The following GALNT13 variants were observed in gnomAD, a reference collection of about 807,000 sequenced individuals.
The protein encoded by GALNT13 is UDP-GalNAc:polypeptide N-acetylgalactosaminyltransferase 13.
A neutral mutation model predicts 64.2 loss-of-function variants in GALNT13; 28 were observed. The observed-to-expected ratio is 0.44, with a 90% confidence interval of 0.32 to 0.60. GALNT13 has a LOEUF of 0.60. GALNT13 is among the 20% of genes least tolerant of loss of function. The pLI, the probability that GALNT13 is intolerant of heterozygous loss-of-function variation, is 0.05. For missense variants in GALNT13, 577 were observed against 669.8 expected, an observed-to-expected ratio of 0.86 and a Z score of 1.53; for synonymous variants, 214 against 224.6, an observed-to-expected ratio of 0.95 and a Z score of 0.42.
chr2:153,659,673 A>G, the GALNT13 span, among the ~76,000 whole-genome samples: 1 of 152,166 alleles, frequency 6.6e-6, no homozygotes, highest in Non-Finnish European at 1.5e-5. Context: ...CATTCAAATT[A>G]TCAGTTGCAA....
the GALNT13 span, among the ~76,000 whole-genome samples, chr2:153,577,258 T>C: frequency 6.6e-6 from 1 of 152,192 alleles, no homozygotes; most frequent in South Asian, 2.1e-4. Context: ...TGACTTATAC[T>C]AAATTTTAGA....
intron 8 of GALNT13, among the ~76,000 whole-genome samples, chr2:154,292,217 T>C (rs1251555577): frequency 2.0e-5 from 3 of 152,210 alleles, no homozygotes; most frequent in African/African-American, 7.2e-5. Flanking sequence ...TTTAGGTGTA[T>C]ACTAGATGTG....
At chr2:153,778,116 G>A in the GALNT13 span, among the ~76,000 whole-genome samples, 1 of 152,134 alleles carries the variant, frequency 6.6e-6, no homozygotes, top group African/African-American at 2.4e-5. Flanking sequence ...TGGCATGCCA[G>A]TGTGCTCCTA....
At chr2:153,708,159 A>G in the GALNT13 span, among the ~76,000 whole-genome samples, 1 of 152,100 alleles carries the variant, frequency 6.6e-6, no homozygotes, top group Non-Finnish European at 1.5e-5. Context: ...TCTTCATTTT[A>G]GAATGAAAAA....
At chr2:153,872,365 G>C (rs1686010793) in intron 1 of GALNT13, 62 bp downstream of exon 1, 1 of 152,128 alleles carries the variant, frequency 6.6e-6, no homozygotes, top group African/African-American at 2.4e-5. Context: ...AGCTCCCTCT[G>C]GGCTGCCAGA....
the GALNT13 span, among the ~76,000 whole-genome samples, chr2:153,106,813 A>G: frequency 6.6e-6 from 1 of 151,852 alleles, no homozygotes; most frequent in East Asian, 1.9e-4. Flanking sequence ...TTTACAGAAA[A>G]CTCTTTTGTT....
chr2:153,765,208 A>C, the GALNT13 span, among the ~76,000 whole-genome samples: 1 of 152,188 alleles, frequency 6.6e-6, no homozygotes, highest in Non-Finnish European at 1.5e-5. Context: ...AGCCACTGAC[A>C]GCTTTCACTG....
the GALNT13 span, chr2:153,478,201 G>T: frequency 6.4e-7 from 1 of 1,553,942 alleles, no homozygotes; most frequent in Non-Finnish European, 8.8e-7. Flanking sequence ...AAGTGGGCAG[G>T]CGTGGGAGCG....
the GALNT13 span, among the ~76,000 whole-genome samples, chr2:153,704,040 T>C: frequency 6.6e-6 from 1 of 152,198 alleles, no homozygotes; most frequent in Non-Finnish European, 1.5e-5. Flanking sequence ...ATTATATTTT[T>C]CAGTATATCT....
At chr2:154,092,036 A>C (rs1701836204) in intron 3 of GALNT13, among the ~76,000 whole-genome samples, 1 of 150,030 alleles carries the variant, frequency 6.7e-6, no homozygotes, top group African/African-American at 2.4e-5. Flanking sequence ...AGTACAGAGA[A>C]TCTTGCTGCC....
chr2:153,386,770 C>G, the GALNT13 span, among the ~76,000 whole-genome samples: 1 of 152,016 alleles, frequency 6.6e-6, no homozygotes, highest in Admixed American at 6.6e-5. Flanking sequence ...CACTTTATCC[C>G]CAAAAGGATC....
At chr2:153,182,514 T>C in the GALNT13 span, among the ~76,000 whole-genome samples, 1 of 152,188 alleles carries the variant, frequency 6.6e-6, no homozygotes, top group African/African-American at 2.4e-5. Flanking sequence ...GTAAATGTGT[T>C]CCATGGTGGT....
intron 1 of GALNT13, among the ~76,000 whole-genome samples, chr2:153,886,579 T>C (rs996486053): frequency 1.3e-5 from 2 of 152,020 alleles, no homozygotes; most frequent in African/African-American, 2.4e-5. Context: ...TAGGTGGGAA[T>C]TGAACAATGA....
intron 9 of GALNT13, among the ~76,000 whole-genome samples, chr2:154,358,666 T>G (rs1696888054): frequency 6.6e-6 from 1 of 152,136 alleles, no homozygotes; most frequent in Non-Finnish European, 1.5e-5. Flanking sequence ...TAAGTCTTAC[T>G]GTTTTTCAAA....
At chr2:153,154,977 G>A in the GALNT13 span, among the ~76,000 whole-genome samples, 1 of 152,266 alleles carries the variant, frequency 6.6e-6, no homozygotes, top group East Asian at 1.9e-4. Context: ...TGCATCTATT[G>A]AGAAAATCAT....
At chr2:153,763,580 G>T in the GALNT13 span, among the ~76,000 whole-genome samples, 2 of 152,136 alleles carry the variant, frequency 1.3e-5, no homozygotes, top group African/African-American at 4.8e-5. Context: ...ATGATTGTGA[G>T]GCCTCCCCAG....
chr2:153,635,006 T>C, the GALNT13 span, among the ~76,000 whole-genome samples: 1 of 152,070 alleles, frequency 6.6e-6, no homozygotes. Flanking sequence ...AAAAATTAGG[T>C]GCTAAAGCAG....
the GALNT13 span, among the ~76,000 whole-genome samples, chr2:153,831,604 G>A: frequency 1.3e-5 from 2 of 151,794 alleles, no homozygotes; most frequent in Admixed American, 1.3e-4. Context: ...GCCCTCTCTT[G>A]ACTCTGTGGG....
the GALNT13 span, among the ~76,000 whole-genome samples, chr2:153,383,561 G>T: frequency 1.3e-5 from 2 of 151,928 alleles, no homozygotes; most frequent in Non-Finnish European, 2.9e-5. Context: ...CTTATATTGG[G>T]GTTGAAGAAA....
Sources: gnomAD v4.1 joint callset for allele counts (sites outside exome capture counted in the v4.1 genomes callset) on GRCh38, gnomAD v4.1.1 for gene constraint, MANE v1.5 for transcripts, NCBI Gene and HGNC (gene_info 2026-07-23, HGNC 2026-07-21) for gene names.